Variants in ASAP2 observed in about 807,000 individuals in gnomAD.
ASAP2 encodes ArfGAP with SH3 domain, ankyrin repeat and PH domain 2.
In ASAP2, 45 loss-of-function variants were observed where a neutral mutation model predicts 131.4. That is an observed-to-expected ratio of 0.34 (90% CI 0.27 to 0.44). ASAP2 has a LOEUF of 0.44. Ranked by LOEUF, ASAP2 falls within the 20% of genes least tolerant of loss-of-function variation. The probability of loss-of-function intolerance (pLI) is 1.00; values close to 1 mark genes in which losing one functional copy is unlikely to be tolerated. For missense variants in ASAP2, 1,011 were observed against 1,297.0 expected (o/e 0.78, Z 3.39); for synonymous variants, 510 against 503.0 (o/e 1.01, Z -0.19).
At chr2:9,390,944 C>G in intron 22 of ASAP2, 118 bp from the exon 23 acceptor site, 1 of 1,486,726 alleles carries the variant, frequency 6.7e-7, no homozygotes, top group South Asian at 1.2e-5. Context: ...GTAGAAGGGT[C>G]ATACTGACCG....
At chr2:9,289,300 A>C (rs114388223) in intron 2 of ASAP2, among the ~76,000 whole-genome samples, 178 of 152,242 alleles carry the variant, frequency 1.2e-3, no homozygotes, top group African/African-American at 3.9e-3. Context: ...GTGTCGCTGC[A>C]CTGAACTGAT....
chr2:9,323,420 T>C (rs1670278127), intron 6 of ASAP2, among the ~76,000 whole-genome samples, 170 bp downstream of exon 6: 1 of 152,240 alleles, frequency 6.6e-6, no homozygotes, highest in African/African-American at 2.4e-5. Flanking sequence ...GTTAGCCTCC[T>C]GGAGGGTAGA....
intron 3 of ASAP2, among the ~76,000 whole-genome samples, chr2:9,317,440 A>G (rs939601436): frequency 0.033 from 145 of 4,350 alleles, 1 homozygote; most frequent in Non-Finnish European, 0.035. Flanking sequence ...ACATACTCAC[A>G]TTCTCACACA....
intron 1 of ASAP2, among the ~76,000 whole-genome samples, chr2:9,245,300 G>A (rs750624150): frequency 8.5e-5 from 13 of 152,240 alleles, no homozygotes; most frequent in Non-Finnish European, 1.8e-4. Context: ...TGTTGCTGCC[G>A]TGGCTGTTGC....
At chr2:9,296,650 A>G (rs1429125567) in intron 2 of ASAP2, among the ~76,000 whole-genome samples, 4 of 152,262 alleles carry the variant, frequency 2.6e-5, no homozygotes, top group East Asian at 1.9e-4. Context: ...TGGGGAACAC[A>G]TTTGCCAGAC....
At chr2:9,338,023 G>A (rs1046519453) in intron 9 of ASAP2, among the ~76,000 whole-genome samples, 1 of 152,154 alleles carries the variant, frequency 6.6e-6, no homozygotes, top group African/African-American at 2.4e-5. Context: ...GCTCATCTTT[G>A]GTTGAGCTCT....
At chr2:9,321,913 G>T (rs189919652) in intron 5 of ASAP2, among the ~76,000 whole-genome samples, 1 of 152,284 alleles carries the variant, frequency 6.6e-6, no homozygotes, top group East Asian at 1.9e-4. Flanking sequence ...TAATGTGGGA[G>T]ATTCATTTAT....
intron 1 of ASAP2, among the ~76,000 whole-genome samples, chr2:9,225,593 A>G (rs940214582): frequency 6.6e-6 from 1 of 152,168 alleles, no homozygotes; most frequent in Non-Finnish European, 1.5e-5. Context: ...AAATTGATTC[A>G]GAAGGTTGTG....
In ASAP2 at chr2:9,206,919, C is replaced by T. The variant is rs1484571745; in HGVS notation, c.-186C>T. On this transcript the variant is annotated 5_prime_UTR_variant, in exon 1 of 28. Coordinates refer to ENST00000281419, the MANE Select transcript of ASAP2 (RefSeq NM_003887.3). The surrounding 1 kb of genome is among the most constrained non-coding windows in gnomAD (Gnocchi z 4.0). ...AGGCGGGCGGACCGGCCGAGCTGCG[C>T]GGGGCTGCGCGCCGCCCCTGCTCCG... 3.2e-6 allele frequency: 1 copy of T among 308,516 alleles called. No individual in the cohort carries two copies. Among genetic ancestry groups the T allele is most frequent in the Non-Finnish European group, 4.7e-6 (1 of 214,224 alleles). 19.1% of individuals were successfully genotyped at this position (308,516 alleles called of 1,614,324 possible).
chr2:9,277,514 ACTC>A (rs1192529084), intron 1 of ASAP2, among the ~76,000 whole-genome samples: 2 of 152,162 alleles, frequency 1.3e-5, no homozygotes, highest in African/African-American at 4.8e-5. Flanking sequence ...GTAACTCTCT[ACTC>A]TTTAGTATGG....
At chr2:9,260,090 G>A (rs1216000965) in intron 1 of ASAP2, among the ~76,000 whole-genome samples, 1 of 152,208 alleles carries the variant, frequency 6.6e-6, no homozygotes, top group African/African-American at 2.4e-5. Flanking sequence ...CTATGGAGGT[G>A]GGAGGGGAAA....
chr2:9,285,712 A>G (rs1667417857), intron 2 of ASAP2, among the ~76,000 whole-genome samples: 1 of 152,228 alleles, frequency 6.6e-6, no homozygotes, highest in African/African-American at 2.4e-5. Context: ...GGAAAAATTC[A>G]TCTCTATCAA....
At chr2:9,227,611 G>T (rs573835873) in intron 1 of ASAP2, among the ~76,000 whole-genome samples, 1 of 152,246 alleles carries the variant, frequency 6.6e-6, no homozygotes, top group African/African-American at 2.4e-5. Flanking sequence ...TAAGATAATT[G>T]GTAAGTAGTA....
At chr2:9,262,418 G>C (rs1395771581) in intron 1 of ASAP2, among the ~76,000 whole-genome samples, 1 of 152,186 alleles carries the variant, frequency 6.6e-6, no homozygotes, top group Non-Finnish European at 1.5e-5. Flanking sequence ...AGTGCTGACT[G>C]TATGGCAGAC....
intron 1 of ASAP2, among the ~76,000 whole-genome samples, chr2:9,236,600 G>A (rs1235727636): frequency 6.6e-6 from 1 of 152,006 alleles, no homozygotes; most frequent in Non-Finnish European, 1.5e-5. Flanking sequence ...ATTTTTTACC[G>A]GAGAGGCAAA....
At chr2:9,251,309 G>T (rs922366497) in intron 1 of ASAP2, among the ~76,000 whole-genome samples, 5 of 152,092 alleles carry the variant, frequency 3.3e-5, no homozygotes, top group African/African-American at 9.7e-5. Flanking sequence ...ATTTGACTTC[G>T]TCCCACTCCT....
chr2:9,240,960 CAA>C (rs1446188174), intron 1 of ASAP2, among the ~76,000 whole-genome samples: 4 of 152,208 alleles, frequency 2.6e-5, no homozygotes, highest in African/African-American at 9.6e-5. Flanking sequence ...TTCTGCCAGA[CAA>C]AGGGAGGAGT....
intron 2 of ASAP2, among the ~76,000 whole-genome samples, chr2:9,290,025 G>A (rs1032443199): frequency 4.6e-5 from 7 of 152,080 alleles, no homozygotes; most frequent in African/African-American, 9.7e-5. Flanking sequence ...CATCCTGCAC[G>A]GGAGCTCTCA....
rs911773112 is a variant in ASAP2, at chr2:9,268,990, G to T, written c.127-10327G>T. Among the ~76,000 whole-genome samples the T allele has an allele frequency of 6.6e-6, 1 of 152,222 alleles. No homozygotes were observed. The highest frequency in any genetic ancestry group is 2.1e-4 in the South Asian group (1 of 4,824). On this transcript the variant is annotated intron_variant, in intron 1 of 27. Transcript: ENST00000281419. This position sits in a 1 kb window ranked among gnomAD's most constrained non-coding sequence, Gnocchi z 4.1. ...CCCTGTCAGGGCTGGGAGGAGTGGG[G>T]TGCAGGGGCCGCTGGTGCTGTGGGA...
Sources: allele counts gnomAD v4.1 joint callset (sites outside exome capture counted in the v4.1 genomes callset), GRCh38; gene constraint gnomAD v4.1.1; non-coding constraint Gnocchi (gnomAD v3.1); transcripts MANE v1.5; gene names NCBI Gene and HGNC (gene_info 2026-07-23, HGNC 2026-07-21).